BOK: variants seen among roughly 807,000 people sequenced by gnomAD.
BOK encodes BCL2 family apoptosis regulator BOK.
Under a neutral mutation model 18.3 loss-of-function variants are expected in BOK, and 20 were observed. That is an observed-to-expected ratio of 1.09 (90% CI 0.77 to 1.59). The LOEUF is 1.59. Among genes scored for constraint, BOK ranks in the 40% most tolerant of loss-of-function variants. The probability of loss-of-function intolerance (pLI) is 0.00; values close to 1 mark genes in which losing one functional copy is unlikely to be tolerated. For synonymous variants in BOK, 173 were observed against 142.4 expected (o/e 1.21, Z -1.53); for missense variants, 348 against 307.9 (o/e 1.13, Z -0.97).
chr2:241,557,212 CTCT>C (rs1465137754), upstream of BOK, among the ~76,000 whole-genome samples: 1 of 151,280 alleles, frequency 6.6e-6, no homozygotes, highest in African/African-American at 2.4e-5. Flanking sequence ...TTAATTTCTG[CTCT>C]TATTTTTATT....
intron 2 of BOK, chr2:241,560,185 C>A: frequency 1.0e-6 from 1 of 985,466 alleles, no homozygotes; most frequent in Non-Finnish European, 1.2e-6. Flanking sequence ...CCTCAGTATT[C>A]GTTGGTGCTG....
intron 2 of BOK, 46 bp downstream of exon 2, chr2:241,559,749 T>A: frequency 1.6e-6 from 2 of 1,279,598 alleles, no homozygotes; most frequent in Non-Finnish European, 2.0e-6. Flanking sequence ...CCTCCCCTGC[T>A]GGGCCGCAGC....
chr2:241,559,565 G>A lies in BOK; in HGVS notation c.82G>A (p.Val28Met). ...FDRSPTDKELVAQAKALGREY... is the reference protein window; with the variant it reads ...FDRSPTDKELMAQAKALGREY... ...CCGCTCGCCCACAGACAAGGAGCTG[G>A]TGGCCCAGGCCAAGGCGCTGGGCCG... Residue 28 changes from valine (V) to methionine (M), a missense_variant, in exon 2 of 5, where the codon GTG becomes ATG. Coordinates refer to ENST00000318407, the MANE Select transcript of BOK (RefSeq NM_032515.5). 6.5e-7 allele frequency: 1 copy of A among 1,528,602 alleles called. No individual in the cohort carries two copies. Among genetic ancestry groups the A allele is most frequent in the Non-Finnish European group, 8.7e-7 (1 of 1,147,190 alleles). 94.7% of individuals were successfully genotyped at this position (1,528,602 alleles called of 1,614,324 possible).
Position 241,559,533 on chromosome 2 carries a change from C to A in BOK, c.50C>A (p.Ala17Asp). 1 of 1,522,680 alleles carries A rather than the reference C, an allele frequency of 6.6e-7. No homozygotes were observed. The highest frequency in any genetic ancestry group is 8.7e-7 in the Non-Finnish European group (1 of 1,144,124). 94.3% of individuals were successfully genotyped at this position (1,522,680 alleles called of 1,614,324 possible). A position where few individuals can be genotyped will look rare whatever the true frequency, so the allele number is the denominator to read the frequency against. Reference protein sequence around the residue: ...SSVFAAEIMDAFDRSPTDKEL... With the variant: ...SSVFAAEIMDDFDRSPTDKEL... ...GTCTTCGCCGCCGAGATCATGGACG[C>A]CTTTGACCGCTCGCCCACAGACAAG... Residue 17 changes from alanine (A) to aspartate (D), a missense_variant, in exon 2 of 5, where the codon GCC becomes GAC. Transcript: ENST00000318407.
intron 4 of BOK, among the ~76,000 whole-genome samples, chr2:241,570,981 GTGTC>G (rs1329476494): frequency 7.3e-6 from 1 of 137,700 alleles, no homozygotes; most frequent in Non-Finnish European, 1.6e-5. Context: ...GGATGGGTGA[GTGTC>G]TGAGCGCCTG....
Position 241,571,071 on chromosome 2 carries a change from C to G in BOK, c.513+783C>G, listed in dbSNP as rs116835083. ...GCGGATGGGTGGTCACCTGAGCACTCCTGGGGGAGATGGGTGAGGCAGGGG... is the reference window on the plus strand; with the variant it reads ...GCGGATGGGTGGTCACCTGAGCACTGCTGGGGGAGATGGGTGAGGCAGGGG... On this transcript the variant is annotated intron_variant, in intron 4 of 4. Transcript: ENST00000318407. Among the ~76,000 whole-genome samples, 29 of 146,658 alleles carry G rather than the reference C, an allele frequency of 2.0e-4. 1 individual carries two copies. The highest frequency in any genetic ancestry group is 7.3e-4 in the African/African-American group (28 of 38,466).
intron 3 of BOK, among the ~76,000 whole-genome samples, chr2:241,564,038 G>A (rs545386153): frequency 1.4e-4 from 22 of 152,332 alleles, no homozygotes; most frequent in African/African-American, 5.3e-4. Context: ...GGCGGCGGGG[G>A]CTGCGAGCAT....
upstream of BOK, among the ~76,000 whole-genome samples, chr2:241,554,615 T>G (rs1010503888): frequency 6.6e-6 from 1 of 152,192 alleles, no homozygotes; most frequent in Non-Finnish European, 1.5e-5. Flanking sequence ...CCAAGGGATC[T>G]CCCAGAGCTA....
intron 3 of BOK, among the ~76,000 whole-genome samples, chr2:241,564,015 G>A (rs969725332): frequency 3.9e-5 from 6 of 152,170 alleles, no homozygotes; most frequent in East Asian, 1.9e-4. Context: ...TGACACCCTC[G>A]GCTGGAGGCC....
At chr2:241,554,941 G>A (rs1044015476), upstream of BOK, among the ~76,000 whole-genome samples, 1 of 152,244 alleles carries the variant, frequency 6.6e-6, no homozygotes, top group Non-Finnish European at 1.5e-5. Context: ...AGAGGAGTCA[G>A]TTGCATGGCA....
Position 241,566,688 on chromosome 2 carries a change from A to AATTCCCGTGGCCGCCACC in BOK, c.350-3437_350-3436insATTCCCGTGGCCGCCACC, listed in dbSNP as rs1228478771. Among the ~76,000 whole-genome samples, 36 of 136,782 alleles carry AATTCCCGTGGCCGCCACC rather than the reference A, an allele frequency of 2.6e-4. 1 individual carries two copies. Among genetic ancestry groups the AATTCCCGTGGCCGCCACC allele is most frequent in the Admixed American group, 4.4e-4 (6 of 13,694 alleles). The allele number at this position is 136,782 out of a possible 152,430, so 89.7% of individuals were successfully genotyped here. On this transcript the variant is annotated intron_variant, in intron 3 of 4. Transcript: ENST00000318407. ...AAACCTAAGTTTGAATTCCCAGCTG[A>AATTCCCGTGGCCGCCACC]GCTGGCCCCTGGCAGACTCCAGCCC...
At position 241,572,849 on chromosome 2, in the gene BOK, C is replaced by A. The variant is rs1163802701; in HGVS notation, c.*427C>A. 3.6e-5 allele frequency: 6 copies of A among 165,900 alleles called. No homozygotes were observed. Among genetic ancestry groups the A allele is most frequent in the African/African-American group, 1.5e-4 (6 of 39,312 alleles). 10.3% of individuals were successfully genotyped at this position (165,900 alleles called of 1,614,324 possible). A position where few individuals can be genotyped will look rare whatever the true frequency, so the allele number is the denominator to read the frequency against. ...CGGGAACACCTGCTCTCACCTGAAC[C>A]CCAGGTGAAGGGGCCCGGAACACCT... is the stretch of plus-strand genomic sequence containing the variant. On this transcript the variant is annotated 3_prime_UTR_variant, in exon 5 of 5. Transcript: ENST00000318407.
At chr2:241,572,257 G>A in intron 4 of BOK, 40 bp from the exon 5 acceptor site, 1 of 1,598,086 alleles carries the variant, frequency 6.3e-7, no homozygotes, top group Non-Finnish European at 8.5e-7. Context: ...GCCTGGCGGT[G>A]CTGGCTCTGC....
intron 1 of BOK, 62 bp from the exon 2 acceptor site, chr2:241,559,393 G>GCCCCGCGCGCCCCGTT: frequency 2.7e-6 from 3 of 1,100,436 alleles, no homozygotes; most frequent in Non-Finnish European, 3.5e-6. Flanking sequence ...CCAGCCCGGC[G>GCCCCGCGCGCCCCGTT]CCCCGCGCGC....
At chr2:241,557,830 A>G (rs2125042865), upstream of BOK, among the ~76,000 whole-genome samples, 1 of 152,290 alleles carries the variant, frequency 6.6e-6, no homozygotes, top group East Asian at 1.9e-4. Flanking sequence ...CTTTTAATTC[A>G]GAGAGGACAC....
In BOK at chr2:241,572,847, A is replaced by G. The variant is rs12987834; in HGVS notation, c.*425A>G. On this transcript the variant is annotated 3_prime_UTR_variant, in exon 5 of 5. Coordinates refer to ENST00000318407, the MANE Select transcript of BOK (RefSeq NM_032515.5). ...CCCGGGAACACCTGCTCTCACCTGA[A>G]CCCCAGGTGAAGGGGCCCGGAACAC... 1.9e-3 allele frequency: 157 copies of G among 81,526 alleles called. No homozygotes were observed. The highest frequency in any genetic ancestry group is 0.01 in the South Asian group (33 of 3,224). 5.1% of individuals were successfully genotyped at this position (81,526 alleles called of 1,614,324 possible).
At chr2:241,568,084 C>T (rs2066643682) in intron 3 of BOK, among the ~76,000 whole-genome samples, 1 of 152,106 alleles carries the variant, frequency 6.6e-6, no homozygotes, top group Non-Finnish European at 1.5e-5. Context: ...TTTTGAGGCC[C>T]ATCCATGCCC....
intron 1 of BOK, among the ~76,000 whole-genome samples, chr2:241,551,645 G>A (rs1351046530): frequency 6.6e-6 from 1 of 151,624 alleles, no homozygotes; most frequent in Non-Finnish European, 1.5e-5. Flanking sequence ...CCTGCTGTTG[G>A]CTGAGTCCAC....
intron 1 of BOK, among the ~76,000 whole-genome samples, chr2:241,553,505 G>A (rs902384434): frequency 1.3e-5 from 2 of 152,180 alleles, no homozygotes; most frequent in African/African-American, 4.8e-5. Flanking sequence ...GGTTCCACAG[G>A]CTGTACAGGA....
Sources: gnomAD v4.1 joint callset for allele counts (sites outside exome capture counted in the v4.1 genomes callset) on GRCh38, gnomAD v4.1.1 for gene constraint, MANE v1.5 for transcripts, NCBI Gene and HGNC (gene_info 2026-07-23, HGNC 2026-07-21) for gene names.